Variants in NAV3 observed in about 807,000 individuals in gnomAD.
NAV3 encodes the protein pore membrane and/or filament interacting like protein 1.
A neutral mutation model predicts 244.7 loss-of-function variants in NAV3; 87 were observed. The observed-to-expected ratio is 0.36, with a 90% CI of 0.30 to 0.42. The LOEUF is 0.42. NAV3 is among the 20% of genes least tolerant of loss of function. The pLI, the probability that NAV3 is intolerant of heterozygous loss-of-function variation, is 1.00. For missense variants in NAV3, 2,663 were observed against 2,893.3 expected (o/e 0.92, Z 1.83); for synonymous variants, 1,126 against 1,042.2 (o/e 1.08, Z -1.55).
In NAV3 at chr12:78,071,479, G is replaced by A. The variant is rs370544655; in HGVS notation, c.2636+12364G>A. 1.1e-4 allele frequency among the ~76,000 whole-genome samples: 17 copies of A among 151,868 alleles called. No individual in the cohort carries two copies. The East Asian group carries it at 2.3e-3, about 21-fold the overall frequency. On this transcript the variant is annotated intron_variant, in intron 12 of 39. Coordinates refer to ENST00000397909, the MANE Select transcript of NAV3 (RefSeq NM_001024383.2). ...GCCCTTTGTCAGATGAGTAGGTTGC[G>A]AAAATTTTCTCCCATTTTGTAGGTT...
chr12:77,633,651 A>G (rs1290503698), intron 2 of NAV3, among the ~76,000 whole-genome samples: 2 of 152,168 alleles, frequency 1.3e-5, no homozygotes, highest in Non-Finnish European at 2.9e-5. Flanking sequence ...ATTTTATGTT[A>G]GCAGTGAAGT....
intron 1 of NAV3, among the ~76,000 whole-genome samples, chr12:77,923,105 A>G (rs1384796908): frequency 1.3e-5 from 2 of 151,944 alleles, no homozygotes; most frequent in African/African-American, 4.8e-5. Context: ...CCCTATCATT[A>G]GGTGTTTTAG....
At chr12:78,124,303 C>T (rs576837381) in intron 16 of NAV3, among the ~76,000 whole-genome samples, 1 of 151,906 alleles carries the variant, frequency 6.6e-6, no homozygotes, top group Non-Finnish European at 1.5e-5. Flanking sequence ...TAATATTTTA[C>T]TCTAATCTAT....
At chr12:77,678,897 C>T (rs981576929) in intron 2 of NAV3, among the ~76,000 whole-genome samples, 16 of 152,214 alleles carry the variant, frequency 1.1e-4, no homozygotes, top group Middle Eastern at 3.4e-3. Context: ...TTCCTGAAAG[C>T]TTTCTGGCTT....
At chr12:77,785,833 G>A (rs1373189598) in intron 2 of NAV3, among the ~76,000 whole-genome samples, 2 of 152,110 alleles carry the variant, frequency 1.3e-5, no homozygotes, top group African/African-American at 4.8e-5. Flanking sequence ...ATTTGCAAAT[G>A]ACATGCTTTG....
At chr12:78,007,511 T>C in intron 8 of NAV3, 66 bp downstream of exon 8, 1 of 1,486,384 alleles carries the variant, frequency 6.7e-7, no homozygotes, top group African/African-American at 1.4e-5. Flanking sequence ...CAGAGTGTAA[T>C]AGGGAAGGCT....
intron 2 of NAV3, among the ~76,000 whole-genome samples, chr12:77,680,155 T>C (rs1273290280): frequency 6.6e-6 from 1 of 152,082 alleles, no homozygotes; most frequent in Non-Finnish European, 1.5e-5. Context: ...GACAGAAGAA[T>C]AGGATCCAGA....
chr12:77,654,036 C>G (rs556252518), intron 2 of NAV3, among the ~76,000 whole-genome samples: 26 of 152,182 alleles, frequency 1.7e-4, no homozygotes, highest in Non-Finnish European at 3.1e-4. Context: ...ACGCAGAAGA[C>G]GGGTGATTTC....
At chr12:77,749,677 T>TAAAAAC (rs1313728761) in intron 2 of NAV3, among the ~76,000 whole-genome samples, 2 of 152,058 alleles carry the variant, frequency 1.3e-5, no homozygotes, top group African/African-American at 4.8e-5. Flanking sequence ...AAAATAAAAA[T>TAAAAAC]AAAAACCTTA....
chr12:78,102,024 T>C (rs1457729942), intron 12 of NAV3, among the ~76,000 whole-genome samples: 1 of 152,166 alleles, frequency 6.6e-6, no homozygotes, highest in East Asian at 1.9e-4. Context: ...AGTGGTGCCT[T>C]GATTTTGTTA....
At position 78,119,609 on chromosome 12, in the gene NAV3, T is replaced by G. The variant is rs1201564450; in HGVS notation, c.3413T>G (p.Leu1138Trp). The G allele has an allele frequency of 6.2e-7, 1 of 1,614,156 alleles. No individual in the cohort carries two copies. The highest frequency in any genetic ancestry group is 8.5e-7 in the Non-Finnish European group (1 of 1,180,024). Residue 1138 changes from leucine (L) to tryptophan (W), a missense_variant, in exon 15 of 40, where the codon TTG becomes TGG. Around this residue, in one of 6 missense-constraint regions of NAV3, gnomAD observed 1,521 missense variants for 1,497.0 expected, o/e 1.02. Coordinates refer to ENST00000397909, the MANE Select transcript of NAV3 (RefSeq NM_001024383.2). ...AAGACTACCCTACAATATCGCAGCT[T>G]GCCCCGCCCTTCAAAATCCAGCACC... Reference protein sequence around the residue: ...SSKTTLQYRSLPRPSKSSTSG... With the variant: ...SSKTTLQYRSWPRPSKSSTSG...
chr12:77,705,661 G>T (rs1234312320), intron 2 of NAV3, among the ~76,000 whole-genome samples: 2 of 151,196 alleles, frequency 1.3e-5, no homozygotes, highest in Non-Finnish European at 2.9e-5. Context: ...AGTTGATTTC[G>T]CCTGGATTGT....
chr12:77,894,659 C>T (rs1189979437), intron 1 of NAV3, among the ~76,000 whole-genome samples: 1 of 152,136 alleles, frequency 6.6e-6, no homozygotes, highest in Non-Finnish European at 1.5e-5. Context: ...GAAGATAAGA[C>T]AAGATCCCTA....
In NAV3 at chr12:78,122,016, C is replaced by A. The variant is rs2138682280; in HGVS notation, c.3826C>A (p.Pro1276Thr). The change falls in exon 16 of 40, where the codon CCC (proline) becomes ACC (threonine). Residue 1276 changes from proline to threonine, a missense_variant. Pro to Thr is a conservative substitution (Grantham distance 38). Transcript: ENST00000397909. ...GGGTGTGAAATCTTCCTCAGTAATG[C>A]CCAGCCCTAGTACCACATTAGCGCG... Reference protein sequence around the residue: ...TEGVKSSSVMPSPSTTLARQG... With the variant: ...TEGVKSSSVMTSPSTTLARQG... 6.2e-7 allele frequency: 1 copy of A among 1,614,176 alleles called. No homozygotes were observed.
At chr12:77,928,826 A>C (rs1888491953) in intron 1 of NAV3, among the ~76,000 whole-genome samples, 1 of 152,252 alleles carries the variant, frequency 6.6e-6, no homozygotes, top group Non-Finnish European at 1.5e-5. Context: ...AATTTTAAAC[A>C]GATAAATGCA....
intron 1 of NAV3, among the ~76,000 whole-genome samples, chr12:77,879,606 G>A (rs749296246): frequency 6.7e-6 from 1 of 149,132 alleles, no homozygotes; most frequent in Admixed American, 6.8e-5. Flanking sequence ...ACCTGGGGCG[G>A]GGAGGTGGAG....
At chr12:77,712,895 C>T (rs1876188581) in intron 2 of NAV3, among the ~76,000 whole-genome samples, 1 of 152,174 alleles carries the variant, frequency 6.6e-6, no homozygotes, top group Non-Finnish European at 1.5e-5. Flanking sequence ...ACAGATCACA[C>T]TCCAAGGCTA....
intron 9 of NAV3, among the ~76,000 whole-genome samples, chr12:78,047,331 C>CA (rs199855126): frequency 2.0e-5 from 3 of 151,960 alleles, no homozygotes; most frequent in African/African-American, 7.3e-5. Flanking sequence ...ACTAAAAATA[C>CA]AAAAAATTAG....
intron 2 of NAV3, among the ~76,000 whole-genome samples, chr12:77,581,385 T>G (rs1869357331): frequency 6.6e-6 from 1 of 152,202 alleles, no homozygotes; most frequent in African/African-American, 2.4e-5. Flanking sequence ...CAATTTTTCA[T>G]CTTTCATGGG....
Sources: allele counts gnomAD v4.1 joint callset (sites outside exome capture counted in the v4.1 genomes callset), GRCh38; gene constraint gnomAD v4.1.1; regional missense constraint gnomAD v4.1.1; transcripts MANE v1.5; gene names NCBI Gene and HGNC (gene_info 2026-07-23, HGNC 2026-07-21).